Variants in PRKD3 observed in about 807,000 individuals in gnomAD.
The protein encoded by PRKD3 is serine/threonine-protein kinase D3.
PRKD3 carries 47 observed loss-of-function variants against 99.2 expected under a neutral mutation model. That is an observed-to-expected ratio of 0.47 (90% CI 0.38 to 0.60). The LOEUF (loss-of-function observed/expected upper bound fraction) is 0.60, where lower values mean the gene tolerates loss of function less well. PRKD3 is among the 20% of genes least tolerant of loss of function. The probability of loss-of-function intolerance (pLI) is 0.00; values close to 1 mark genes in which losing one functional copy is unlikely to be tolerated. For synonymous variants in PRKD3, 392 were observed against 355.4 expected, an observed-to-expected ratio of 1.10 and a Z score of -1.16; for missense variants, 1,019 against 1,088.4, an observed-to-expected ratio of 0.94 and a Z score of 0.90.
chr2:37,266,028 C>G (rs1054742487), intron 14 of PRKD3, among the ~76,000 whole-genome samples: 1 of 152,076 alleles, frequency 6.6e-6, no homozygotes, highest in Non-Finnish European at 1.5e-5. Context: ...GCAAAAATAC[C>G]TGACAACATA....
chr2:37,320,499 T>C (rs1402251547), intron 1 of PRKD3, among the ~76,000 whole-genome samples: 1 of 149,128 alleles, frequency 6.7e-6, no homozygotes, highest in Non-Finnish European at 1.5e-5. Context: ...TGGCGCGATC[T>C]TGACTGATTG....
Position 37,250,811 on chromosome 2 carries a change from A to G in PRKD3, c.*2366T>C, listed in dbSNP as rs1473076228. ...AAAATGTACTGAACAGTCATTATAG[A>G]CTACTTTGTACATTATCAAATGTTT... is the stretch of plus-strand genomic sequence containing the variant. On this transcript the variant is annotated 3_prime_UTR_variant, in exon 19 of 19. Transcript: ENST00000234179. 6.6e-6 allele frequency: 1 copy of G among 152,640 alleles called. No homozygotes were observed. The highest frequency in any genetic ancestry group is 1.5e-5 in the Non-Finnish European group (1 of 68,034). The allele number at this position is 152,640 out of a possible 1,614,324, so 9.5% of individuals were successfully genotyped here.
At chr2:37,296,646 G>A (rs888485333) in intron 2 of PRKD3, among the ~76,000 whole-genome samples, 1 of 151,828 alleles carries the variant, frequency 6.6e-6, no homozygotes, top group Non-Finnish European at 1.5e-5. Context: ...GCCTGTAATC[G>A]CAGCACTTTG....
chr2:37,306,823 A>G (rs1002222338), intron 2 of PRKD3, among the ~76,000 whole-genome samples: 3 of 152,172 alleles, frequency 2.0e-5, no homozygotes, highest in Admixed American at 6.5e-5. Context: ...AACAAAAACA[A>G]AAATGCCCAG....
At chr2:37,298,642 C>T (rs1270225640) in intron 2 of PRKD3, among the ~76,000 whole-genome samples, 1 of 151,964 alleles carries the variant, frequency 6.6e-6, no homozygotes, top group Non-Finnish European at 1.5e-5. Context: ...TCTTTCACTT[C>T]TTTGGTTAAG....
intron 14 of PRKD3, among the ~76,000 whole-genome samples, chr2:37,266,214 A>C (rs1007311427): frequency 6.6e-6 from 1 of 152,240 alleles, no homozygotes; most frequent in Non-Finnish European, 1.5e-5. Flanking sequence ...AAGTAACATA[A>C]TAAATGTAAA....
chr2:37,296,441 A>C (rs749862185), intron 2 of PRKD3, among the ~76,000 whole-genome samples: 12 of 152,204 alleles, frequency 7.9e-5, no homozygotes, highest in Admixed American at 6.5e-5. Context: ...GTAATGATAA[A>C]GAATAAAGTC....
At position 37,282,623 on chromosome 2, in the gene PRKD3, A is replaced by C; in HGVS notation, c.911-4T>G. On this transcript the variant is annotated splice_region_variant and splice_polypyrimidine_tract_variant and intron_variant, in intron 6 of 18. Transcript: ENST00000234179. ...TTATGGCAGTTGAATTTGCAATCTAAAATGAAAATATTCAGCATATTAATT... is the reference window on the plus strand; with the variant it reads ...TTATGGCAGTTGAATTTGCAATCTACAATGAAAATATTCAGCATATTAATT... The C allele has an allele frequency of 6.3e-7, 1 of 1,577,570 alleles. No homozygotes were observed. Among genetic ancestry groups the C allele is most frequent in the South Asian group, 1.1e-5 (1 of 90,238 alleles).
chr2:37,268,668 C>G (rs1475777030), intron 13 of PRKD3: 7 of 203,664 alleles, frequency 3.4e-5, no homozygotes, highest in Non-Finnish European at 7.0e-5. Context: ...TAGTTGAGCC[C>G]TGAAGTATGA....
At chr2:37,287,923 T>G (rs1670200435) in intron 5 of PRKD3, among the ~76,000 whole-genome samples, 1 of 152,230 alleles carries the variant, frequency 6.6e-6, no homozygotes, top group African/African-American at 2.4e-5. Context: ...TTTGAGACTA[T>G]GCTTGAACTG....
At chr2:37,287,230 CAAAAAAAAAAAAAAAAAAAAAA>C (rs754092348) in intron 5 of PRKD3, among the ~76,000 whole-genome samples, 2 of 53,650 alleles carry the variant, frequency 3.7e-5, no homozygotes, top group East Asian at 1.2e-3. Context: ...AACTCCATCT[CAAAAAAAAAAAAAAAAAAAAAA>C]AAAAAAAAAA....
chr2:37,260,174 A>G lies in PRKD3; in HGVS notation c.2046+49T>C, dbSNP rs2465486. The G allele has an allele frequency of 0.014, 21,376 of 1,517,188 alleles. 2,627 individuals are homozygous for G. In the African/African-American group the frequency reaches 0.27, roughly 19 times the overall value. The allele number at this position is 1,517,188 out of a possible 1,614,324, so 94.0% of individuals were successfully genotyped here. ...GTAAGACTCTTGTCTTAAAAAAAAA[A>G]AAATTAGTTTTTAATCGCTAGTTTA... On this transcript the variant is annotated intron_variant, in intron 15 of 18. Coordinates refer to ENST00000234179, the MANE Select transcript of PRKD3 (RefSeq NM_005813.6).
Position 37,253,131 on chromosome 2 carries a change from T to G in PRKD3, c.*46A>C. 6.6e-7 allele frequency: 1 copy of G among 1,518,552 alleles called. No homozygotes were observed. The highest frequency in any genetic ancestry group is 9.0e-7 in the Non-Finnish European group (1 of 1,112,248). The allele number at this position is 1,518,552 out of a possible 1,614,324, so 94.1% of individuals were successfully genotyped here. On this transcript the variant is annotated 3_prime_UTR_variant, in exon 19 of 19. Coordinates refer to ENST00000234179, the MANE Select transcript of PRKD3 (RefSeq NM_005813.6). Reference sequence around the variant, plus strand: ...AAAGAACAAGTTACACAGCAAAATATCAGTCCATAAAATGAAATCCTTCCT... The same window carrying G: ...AAAGAACAAGTTACACAGCAAAATAGCAGTCCATAAAATGAAATCCTTCCT...
chr2:37,259,052 G>GA (rs35409709), intron 16 of PRKD3, among the ~76,000 whole-genome samples: 36 of 148,688 alleles, frequency 2.4e-4, no homozygotes, highest in African/African-American at 5.0e-4. Context: ...TGAACACTTG[G>GA]AAAAAAAAAA....
At chr2:37,304,153 T>C (rs548234561) in intron 2 of PRKD3, among the ~76,000 whole-genome samples, 1 of 150,288 alleles carries the variant, frequency 6.7e-6, no homozygotes, top group East Asian at 1.9e-4. Context: ...CTTTTCATGT[T>C]CCTCCTGAAT....
rs140120722 is a variant in PRKD3, at chr2:37,322,763, CAT to C, written c.-656+1916_-656+1917del. Among the ~76,000 whole-genome samples the C allele has an allele frequency of 1.9e-3, 291 of 151,532 alleles. 1 individual carries two copies. Among genetic ancestry groups the C allele is most frequent in the African/African-American group, 6.8e-3 (282 of 41,322 alleles). ...CCTGAGAGGGCTACTCAAAGAGATA[CAT>C]ATATATATATAGCAAGTTCGATCTG... is the stretch of plus-strand genomic sequence containing the variant. On this transcript the variant is annotated intron_variant, in intron 1 of 18. Coordinates refer to ENST00000234179, the MANE Select transcript of PRKD3 (RefSeq NM_005813.6).
intron 4 of PRKD3, 50 bp downstream of exon 4, chr2:37,290,818 C>T: frequency 2.7e-6 from 4 of 1,508,746 alleles, no homozygotes; most frequent in Non-Finnish European, 3.6e-6. Context: ...ATAAAAAATG[C>T]AAATGTGGAA....
rs1671784967 is a variant in PRKD3, at chr2:37,319,410, A to C, written c.-655-2231T>G. Among the ~76,000 whole-genome samples, 4 of 152,326 alleles carry C rather than the reference A, an allele frequency of 2.6e-5. No homozygotes were observed. The South Asian group carries it at 8.3e-4, about 32-fold the overall frequency. On this transcript the variant is annotated intron_variant, in intron 1 of 18. Coordinates refer to ENST00000234179, the MANE Select transcript of PRKD3 (RefSeq NM_005813.6). ...CTATTTATTAGATAATAAAGGCATA[A>C]AGAATATGCTTATAAAATCCTCAGG...
intron 10 of PRKD3, 55 bp downstream of exon 10, chr2:37,275,712 G>GA (rs941105934): frequency 3.0e-5 from 45 of 1,509,178 alleles, no homozygotes; most frequent in Admixed American, 6.4e-5. Context: ...AATATTATCT[G>GA]AAAAAAACAT....
Sources: allele counts gnomAD v4.1 joint callset (sites outside exome capture counted in the v4.1 genomes callset), GRCh38; gene constraint gnomAD v4.1.1; transcripts MANE v1.5; gene names NCBI Gene and HGNC (gene_info 2026-07-23, HGNC 2026-07-21).